The following DOCK1 variants were observed in gnomAD, a reference collection of about 807,000 sequenced individuals.
DOCK1 encodes the protein dedicator of cytokinesis protein 1.
Under a neutral mutation model 262.7 loss-of-function variants are expected in DOCK1, and 138 were observed. The ratio of observed to expected loss-of-function variants is 0.53; its 90% confidence interval spans 0.46 to 0.61. DOCK1 has a LOEUF of 0.61. DOCK1 is among the 20% of genes least tolerant of loss of function. The pLI is 0.00. For synonymous variants in DOCK1, 866 were observed against 867.4 expected (o/e 1.00, Z 0.03); for missense variants, 1,908 against 2,370.7 (o/e 0.80, Z 4.05).
chr10:127,247,962 A>C (rs1230642712), intron 27 of DOCK1, 46 bp from the exon 28 acceptor site: 21 of 1,581,748 alleles, frequency 1.3e-5, no homozygotes, highest in Non-Finnish European at 1.8e-5. Context: ...TTTTCCCATG[A>C]GTGTTGCTCT....
At chr10:126,967,005 T>C (rs2037726841) in intron 1 of DOCK1, among the ~76,000 whole-genome samples, 1 of 152,094 alleles carries the variant, frequency 6.6e-6, no homozygotes, top group Non-Finnish European at 1.5e-5. Context: ...CCAGGGAGAA[T>C]GTAGTAGGCA....
chr10:127,172,452 T>G (rs918651834), intron 27 of DOCK1, among the ~76,000 whole-genome samples: 2 of 152,304 alleles, frequency 1.3e-5, no homozygotes, highest in African/African-American at 4.8e-5. Context: ...GGATGGAGAA[T>G]GAGCTTGCAT....
intron 38 of DOCK1, among the ~76,000 whole-genome samples, chr10:127,397,844 C>A (rs2067001518): frequency 6.6e-6 from 1 of 152,080 alleles, no homozygotes; most frequent in Non-Finnish European, 1.5e-5. Context: ...TCCTGTGTGA[C>A]CTGTGCATGT....
At chr10:127,138,768 T>C (rs1168309327) in intron 27 of DOCK1, among the ~76,000 whole-genome samples, 1 of 152,228 alleles carries the variant, frequency 6.6e-6, no homozygotes, top group East Asian at 1.9e-4. Context: ...GCAGTGATAA[T>C]GTTTGCATTA....
At chr10:127,357,846 C>T (rs1049609708) in intron 32 of DOCK1, among the ~76,000 whole-genome samples, 1 of 152,156 alleles carries the variant, frequency 6.6e-6, no homozygotes, top group Non-Finnish European at 1.5e-5. Context: ...CAAGCAGCCC[C>T]TCAGGATGGC....
chr10:127,264,487 G>A (rs1284266623), intron 29 of DOCK1, among the ~76,000 whole-genome samples: 1 of 152,126 alleles, frequency 6.6e-6, no homozygotes, highest in African/African-American at 2.4e-5. Flanking sequence ...CATATAACAT[G>A]AATATAAAAT....
intron 23 of DOCK1, among the ~76,000 whole-genome samples, chr10:127,097,651 G>A (rs573793190): frequency 3.3e-5 from 5 of 152,296 alleles, no homozygotes; most frequent in African/African-American, 9.6e-5. Flanking sequence ...GTGGACAGAC[G>A]AAAGCTTTAC....
intron 29 of DOCK1, among the ~76,000 whole-genome samples, chr10:127,286,444 A>G (rs1423014150): frequency 2.0e-5 from 3 of 151,996 alleles, no homozygotes; most frequent in Non-Finnish European, 4.4e-5. Flanking sequence ...TTGTTTTTAA[A>G]CTTTTTATTA....
At chr10:127,108,991 A>C (rs1431100878) in intron 24 of DOCK1, among the ~76,000 whole-genome samples, 1 of 152,240 alleles carries the variant, frequency 6.6e-6, no homozygotes, top group African/African-American at 2.4e-5. Context: ...AGTTGTATTC[A>C]AGTTTTTTTA....
intron 31 of DOCK1, among the ~76,000 whole-genome samples, chr10:127,350,243 A>G (rs1395576969): frequency 7.0e-6 from 1 of 142,168 alleles, no homozygotes; most frequent in Non-Finnish European, 1.5e-5. Flanking sequence ...ACTTAAAAAA[A>G]AAGTGGCGGC....
chr10:127,047,525 CTT>C (rs1195651552), intron 21 of DOCK1, among the ~76,000 whole-genome samples: 1 of 152,166 alleles, frequency 6.6e-6, no homozygotes, highest in African/African-American at 2.4e-5. Context: ...AATTTAAAAA[CTT>C]AAAAATTGTT....
At chr10:127,122,766 G>T (rs552944658) in intron 25 of DOCK1, among the ~76,000 whole-genome samples, 2 of 152,118 alleles carry the variant, frequency 1.3e-5, no homozygotes, top group East Asian at 3.9e-4. Context: ...TGAAGGTAGC[G>T]CAGTCCTCCA....
intron 1 of DOCK1, among the ~76,000 whole-genome samples, chr10:126,960,602 G>A (rs1330333202): frequency 6.6e-6 from 1 of 151,100 alleles, no homozygotes; most frequent in African/African-American, 2.4e-5. Context: ...AGGGCGCATG[G>A]GGACTCTGGT....
At chr10:127,314,277 T>TATA (rs2062178357) in intron 29 of DOCK1, among the ~76,000 whole-genome samples, 1 of 152,210 alleles carries the variant, frequency 6.6e-6, no homozygotes, top group African/African-American at 2.4e-5. Context: ...TGTGTGTGTT[T>TATA]ATAAGTATGA....
intron 29 of DOCK1, among the ~76,000 whole-genome samples, chr10:127,278,667 A>G (rs1050316997): frequency 1.3e-5 from 2 of 152,236 alleles, no homozygotes; most frequent in Non-Finnish European, 2.9e-5. Context: ...GAGGCTGGCC[A>G]CGCACAGGGA....
At chr10:126,949,207 G>T (rs2035946473) in intron 1 of DOCK1, among the ~76,000 whole-genome samples, 1 of 152,072 alleles carries the variant, frequency 6.6e-6, no homozygotes, top group Non-Finnish European at 1.5e-5. Context: ...GGTGACCTGG[G>T]TTGGGGGACA....
intron 1 of DOCK1, among the ~76,000 whole-genome samples, chr10:126,934,559 T>A (rs1177864405): frequency 1.3e-5 from 2 of 152,212 alleles, no homozygotes; most frequent in Non-Finnish European, 2.9e-5. Context: ...CACTGATACC[T>A]GACATGGAGC....
rs145168972 is a variant in DOCK1 at position 127,082,766 on chromosome 10, C to T, written c.2445+20990C>T. On this transcript the variant is annotated intron_variant, in intron 23 of 51. Coordinates refer to ENST00000623213, the MANE Select transcript of DOCK1 (RefSeq NM_001290223.2). Reference sequence around the variant, plus strand: ...GAGACAGAACCTGTCCCTGGGCCTTCGTCTCCTTTCCCCGTGCCCCACACC... The same window carrying T: ...GAGACAGAACCTGTCCCTGGGCCTTTGTCTCCTTTCCCCGTGCCCCACACC... Among the ~76,000 whole-genome samples the T allele has an allele frequency of 7.9e-3, 1,199 of 152,248 alleles. 5 individuals are homozygous for T. The highest frequency in any genetic ancestry group is 0.013 in the Non-Finnish European group (861 of 68,008).
Position 127,175,819 on chromosome 10 carries a change from T to G in DOCK1, c.2847+48055T>G, listed in dbSNP as rs1257913156. On this transcript the variant is annotated intron_variant, in intron 27 of 51. Coordinates refer to ENST00000623213, the MANE Select transcript of DOCK1 (RefSeq NM_001290223.2). This position sits in a 1 kb window ranked among gnomAD's most constrained non-coding sequence, Gnocchi z 6.3. ...GGCTCCGGGCTTTTACAGGGCTCTG[T>G]GCAGTTGACCCCCAAAGGCTGGTCC... 1.2e-6 allele frequency: 2 copies of G among 1,614,052 alleles called. No homozygotes were observed. The highest frequency in any genetic ancestry group is 2.2e-5 in the East Asian group (1 of 44,844).
Sources: allele counts gnomAD v4.1 joint callset (sites outside exome capture counted in the v4.1 genomes callset), GRCh38; gene constraint gnomAD v4.1.1; non-coding constraint Gnocchi (gnomAD v3.1); transcripts MANE v1.5; gene names NCBI Gene and HGNC (gene_info 2026-07-23, HGNC 2026-07-21).